Variants in GLUD1 observed in about 807,000 individuals in gnomAD.
GLUD1 encodes glutamate dehydrogenase 1, mitochondrial.
A neutral mutation model predicts 56.0 loss-of-function variants in GLUD1; 22 were observed. The ratio of observed to expected loss-of-function variants is 0.39; its 90% CI spans 0.28 to 0.56. The LOEUF (loss-of-function observed/expected upper bound fraction) is 0.56. Ranked by LOEUF, GLUD1 falls within the 20% of genes least tolerant of loss-of-function variation. GLUD1 has a pLI of 0.58. For missense variants in GLUD1, 451 were observed against 732.0 expected (o/e 0.62, Z 4.43); for synonymous variants, 223 against 269.9 (o/e 0.83, Z 1.70).
chr10:87,089,418 T>G (rs572676522), intron 1 of GLUD1: 1 of 156,588 alleles, frequency 6.4e-6, no homozygotes, highest in African/African-American at 2.4e-5. Context: ...GTGTATTGCA[T>G]GAGGCATAAA....
chr10:87,062,631 A>G, intron 6 of GLUD1, 25 bp downstream of exon 6: 1 of 1,580,524 alleles, frequency 6.3e-7, no homozygotes, highest in Non-Finnish European at 8.7e-7. Context: ...GTTATTAAGG[A>G]AACTTTTTTT....
chr10:87,058,444 T>C (rs573173835), intron 10 of GLUD1, among the ~76,000 whole-genome samples: 73 of 152,300 alleles, frequency 4.8e-4, no homozygotes, highest in African/African-American at 1.3e-3. Flanking sequence ...AGATGAGAAA[T>C]TCTACTCTTA....
At position 87,057,726 on chromosome 10, in the gene GLUD1, T is replaced by C. The variant is rs763929519; in HGVS notation, c.1459A>G (p.Ile487Val). The change falls in exon 11 of 13, where the codon ATT (isoleucine) becomes GTT (valine). Residue 487 changes from isoleucine (I) to valine (V), a missense_variant. By Grantham distance (29) the Ile-to-Val change is conservative (BLOSUM62 3). Transcript: ENST00000277865. ...TCTTGGAACTCTGCCGTGGGTACAA[T>C]GGGAATAGTTCCACCATGCTTTCCA... Reference protein sequence around the residue: ...KFGKHGGTIPIVPTAEFQDRI... With the variant: ...KFGKHGGTIPVVPTAEFQDRI... 3.1e-6 allele frequency: 5 copies of C among 1,599,030 alleles called. No individual in the cohort carries two copies. The highest frequency in any genetic ancestry group is 1.3e-5 in the African/African-American group (1 of 74,484).
intron 11 of GLUD1, among the ~76,000 whole-genome samples, chr10:87,056,954 C>T (rs1278222928): frequency 6.6e-6 from 1 of 151,990 alleles, no homozygotes; most frequent in African/African-American, 2.4e-5. Context: ...AGAAGTTTCC[C>T]TCCCTCCATC....
At chr10:87,067,993 T>G in intron 5 of GLUD1, 70 bp downstream of exon 5, 1 of 882,204 alleles carries the variant, frequency 1.1e-6, no homozygotes, top group Non-Finnish European at 1.9e-6. Flanking sequence ...ACTTTTGATA[T>G]AATCAGTCAA....
intron 4 of GLUD1, among the ~76,000 whole-genome samples, chr10:87,073,865 C>T (rs1846308258): frequency 6.6e-6 from 1 of 152,076 alleles, no homozygotes; most frequent in Admixed American, 6.6e-5. Context: ...TCGTGATCCA[C>T]CTGCCTCGGC....
chr10:87,064,813 C>A (rs1846031047), intron 5 of GLUD1, among the ~76,000 whole-genome samples: 1 of 152,144 alleles, frequency 6.6e-6, no homozygotes, highest in Non-Finnish European at 1.5e-5. Context: ...AGTGAGAATG[C>A]AAATGCTGGA....
intron 5 of GLUD1, among the ~76,000 whole-genome samples, chr10:87,064,297 G>T (rs1846018616): frequency 6.6e-6 from 1 of 152,166 alleles, no homozygotes; most frequent in Non-Finnish European, 1.5e-5. Flanking sequence ...ATTGGGCTAA[G>T]TAGGGCTTCC....
intron 3 of GLUD1, among the ~76,000 whole-genome samples, chr10:87,075,650 G>T (rs1186196910): frequency 6.6e-6 from 1 of 152,156 alleles, no homozygotes. Flanking sequence ...GGCCGGGTGC[G>T]GTGGCTCATG....
At chr10:87,077,858 G>C (rs762860121) in intron 1 of GLUD1, among the ~76,000 whole-genome samples, 9 of 151,930 alleles carry the variant, frequency 5.9e-5, no homozygotes, top group Non-Finnish European at 8.8e-5. Context: ...AGCCCCTCTC[G>C]AGGGGCTGGG....
At chr10:87,073,645 G>A (rs1310730200) in intron 4 of GLUD1, among the ~76,000 whole-genome samples, 2 of 111,504 alleles carry the variant, frequency 1.8e-5, no homozygotes, top group African/African-American at 7.2e-5. Context: ...TTGAGACGGA[G>A]TCTCGCTCTG....
At chr10:87,064,589 CT>C (rs1362477311) in intron 5 of GLUD1, among the ~76,000 whole-genome samples, 13 of 152,304 alleles carry the variant, frequency 8.5e-5, no homozygotes, top group Admixed American at 7.2e-4. Context: ...AAAAAGTGAT[CT>C]GTTCTTTATC....
chr10:87,065,206 T>C (rs573346962), intron 5 of GLUD1, among the ~76,000 whole-genome samples: 2 of 142,444 alleles, frequency 1.4e-5, no homozygotes, highest in African/African-American at 5.3e-5. Context: ...GGCAGGAGAA[T>C]TGCTTGAACC....
intron 1 of GLUD1, among the ~76,000 whole-genome samples, chr10:87,086,531 A>C (rs537456671): frequency 1.3e-5 from 2 of 152,266 alleles, no homozygotes; most frequent in South Asian, 2.1e-4. Context: ...CAAACATAAA[A>C]GGAAAAAATT....
chr10:87,057,778 A>C lies in GLUD1; in HGVS notation c.1407T>G (p.Ser469=), dbSNP rs1845823601. 6.8e-7 allele frequency: 1 copy of C among 1,477,424 alleles called. No homozygotes were observed. The highest frequency in any genetic ancestry group is 1.7e-5 in the Admixed American group (1 of 59,792). 91.5% of individuals were successfully genotyped at this position (1,477,424 alleles called of 1,614,324 possible). ...ATTTTCTTTCTAAACTCTCTTGAAC[A>C]GACACTACAAAAAAATAACAAGAGA... ...ERDSNYHLLM[S]VQESLERKFG... The change falls in exon 11 of 13, where the codon TCT becomes TCG. Residue 469 remains serine (S), a synonymous_variant. Coordinates refer to ENST00000277865, the MANE Select transcript of GLUD1 (RefSeq NM_005271.5).
At position 87,060,905 on chromosome 10, in the gene GLUD1, G is replaced by A. The variant is rs1358155268; in HGVS notation, c.1059+10C>T. 6.8e-6 allele frequency: 11 copies of A among 1,613,790 alleles called. No homozygotes were observed. The highest frequency in any genetic ancestry group is 2.2e-5 in the East Asian group (1 of 44,892). On this transcript the variant is annotated intron_variant, in intron 7 of 12. Transcript: ENST00000277865. The stretch of plus-strand genomic sequence containing the variant: ...TATTTAGTGTCTATGCTATAAAAAT[G>A]TATTAATACCAATTTGAAGTCTTCC...
In GLUD1 at chr10:87,094,504, AG is replaced by A. The variant is rs1841663491; in HGVS notation, c.265del (p.Leu89Ter). ...CTGCTCCTCGCTCTCCCGGGTCCTC[AG>A]GTCCTCCACCAGCTTGTCCTCCACG... is the stretch of plus-strand genomic sequence containing the variant. ...SIVEDKLVED[L>X]RTRESEEQKR... On this transcript the variant is annotated frameshift_variant, in exon 1 of 13. Coordinates refer to ENST00000277865, the MANE Select transcript of GLUD1 (RefSeq NM_005271.5). LOFTEE classifies it high-confidence loss of function. The surrounding 1 kb of genome is among the most constrained non-coding windows in gnomAD (Gnocchi z 6.6). The A allele has an allele frequency of 6.2e-7, 1 of 1,613,288 alleles. No individual in the cohort carries two copies. Among genetic ancestry groups the A allele is most frequent in the Non-Finnish European group, 8.5e-7 (1 of 1,179,962 alleles).
At chr10:87,052,450 T>TGCACTCCAGCTGGGTGACAGAGCG (rs1845659343) in intron 12 of GLUD1, among the ~76,000 whole-genome samples, 2 of 152,024 alleles carry the variant, frequency 1.3e-5, no homozygotes, top group Admixed American at 6.6e-5. Flanking sequence ...ATTGCACCAT[T>TGCACTCCAGCTGGGTGACAGAGCG]GCACTCCAGC....
At chr10:87,067,693 A>G (rs535803505) in intron 5 of GLUD1, 1 of 231,534 alleles carries the variant, frequency 4.3e-6, no homozygotes, top group Non-Finnish European at 8.8e-6. Flanking sequence ...CAGAATTCAT[A>G]ATCTCCACTG....
Sources: allele counts gnomAD v4.1 joint callset (sites outside exome capture counted in the v4.1 genomes callset), GRCh38; gene constraint gnomAD v4.1.1; non-coding constraint Gnocchi (gnomAD v3.1); transcripts MANE v1.5; gene names NCBI Gene and HGNC (gene_info 2026-07-23, HGNC 2026-07-21).